HNRNPM: variants seen among roughly 807,000 people sequenced by gnomAD.
HNRNPM encodes CEA receptor.
A neutral mutation model predicts 73.1 loss-of-function variants in HNRNPM; 11 were observed. That is an observed-to-expected ratio of 0.15 (90% confidence interval 0.09 to 0.25). The LOEUF is 0.25. HNRNPM is among the 10% of genes least tolerant of loss of function. The pLI, the probability that HNRNPM is intolerant of heterozygous loss-of-function variation, is 1.00. For synonymous variants in HNRNPM, 407 were observed against 355.2 expected, an observed-to-expected ratio of 1.15 and a Z score of -1.64; for missense variants, 789 against 1,067.9, an observed-to-expected ratio of 0.74 and a Z score of 3.64.
chr19:8,447,276 T>TTC (rs57412916), intron 1 of HNRNPM, among the ~76,000 whole-genome samples: 12 of 151,224 alleles, frequency 7.9e-5, no homozygotes, highest in African/African-American at 2.7e-4. Context: ...TTTTTTTTTT[T>TTC]CATTACAAGT....
chr19:8,460,746 A>G (rs1969343330), intron 2 of HNRNPM, among the ~76,000 whole-genome samples: 1 of 152,196 alleles, frequency 6.6e-6, no homozygotes, highest in African/African-American at 2.4e-5. Context: ...GCTGTTTTGA[A>G]TTAATTATTG....
chr19:8,478,575 CTT>C (rs1348998558), intron 12 of HNRNPM, among the ~76,000 whole-genome samples: 1 of 152,046 alleles, frequency 6.6e-6, no homozygotes. Flanking sequence ...TCCCTGCTCT[CTT>C]AGAGTCAGCT....
At position 8,463,641 on chromosome 19, in the gene HNRNPM, C is replaced by G. The variant is rs753072620; in HGVS notation, c.393C>G (p.Val131=). 1 of 1,613,980 alleles carries G rather than the reference C, an allele frequency of 6.2e-7. No homozygotes were observed. The highest frequency in any genetic ancestry group is 1.7e-5 in the Admixed American group (1 of 60,012). The change falls in exon 5 of 16, where the codon GTC becomes GTG. Residue 131 remains valine, a synonymous_variant. Transcript: ENST00000325495. ...AGAGCATGAAAAAAGCTGCGGAAGT[C>G]CTAAACAAGCATAGTCTGAGCGGAA... is the stretch of plus-strand genomic sequence containing the variant. ...MEESMKKAAE[V]LNKHSLSGRP...
intron 15 of HNRNPM, 119 bp downstream of exon 15, chr19:8,487,194 A>G: frequency 2.4e-6 from 2 of 835,144 alleles, no homozygotes; most frequent in South Asian, 1.3e-5. Flanking sequence ...TGGCCTTGCC[A>G]TGTTCTGCCC....
At chr19:8,466,595 A>G (rs1439589077) in intron 7 of HNRNPM, among the ~76,000 whole-genome samples, 1 of 152,130 alleles carries the variant, frequency 6.6e-6, no homozygotes, top group African/African-American at 2.4e-5. Context: ...CGGGAGGCCA[A>G]GGCGGGCGGA....
intron 1 of HNRNPM, among the ~76,000 whole-genome samples, chr19:8,450,727 A>ATTT (rs770745543): frequency 4.7e-4 from 59 of 125,394 alleles, no homozygotes; most frequent in South Asian, 1.5e-3. Flanking sequence ...TATTATTATT[A>ATTT]TTTTTTTTTT....
intron 2 of HNRNPM, among the ~76,000 whole-genome samples, chr19:8,457,581 T>C (rs1256507732): frequency 6.6e-6 from 1 of 152,206 alleles, no homozygotes; most frequent in African/African-American, 2.4e-5. Context: ...TTAATTAAAT[T>C]ATTAGCGGTA....
At chr19:8,468,042 GAAAA>G (rs199878878) in intron 8 of HNRNPM, among the ~76,000 whole-genome samples, 1 of 151,016 alleles carries the variant, frequency 6.6e-6, no homozygotes, top group African/African-American at 2.4e-5. Context: ...AAAAAAAGAA[GAAAA>G]AAAAACATTT....
intron 2 of HNRNPM, among the ~76,000 whole-genome samples, chr19:8,455,860 T>C (rs1040876804): frequency 1.3e-5 from 2 of 151,996 alleles, no homozygotes; most frequent in Admixed American, 1.3e-4. Context: ...TTAATAAGGC[T>C]TCGATTAGGC....
intron 14 of HNRNPM, 91 bp from the exon 15 acceptor site, chr19:8,486,933 A>C (rs188583267): frequency 1.0e-6 from 1 of 980,980 alleles, no homozygotes; most frequent in East Asian, 2.4e-5. Flanking sequence ...GTATAGTGAG[A>C]AATCTAGCAT....
At chr19:8,445,449 C>T (rs1281540803) in intron 1 of HNRNPM, 3 of 218,630 alleles carry the variant, frequency 1.4e-5, no homozygotes, top group Non-Finnish European at 2.7e-5. Context: ...CCGACCGCTC[C>T]CCGGGAGGGT....
Position 8,468,811 on chromosome 19 carries a change from C to G in HNRNPM, c.872C>G (p.Pro291Arg). 1 of 1,613,804 alleles carries G rather than the reference C, an allele frequency of 6.2e-7. No homozygotes were observed. Among genetic ancestry groups the G allele is most frequent in the South Asian group, 1.1e-5 (1 of 91,072 alleles). The change falls in exon 9 of 16, where the codon CCT (proline) becomes CGT (arginine). Residue 291 changes from proline to arginine, a missense_variant. Transcript: ENST00000325495. Reference protein sequence around the residue: ...RALPKGDFFPPERPQQLPHGL... With the variant: ...RALPKGDFFPRERPQQLPHGL... ...TTACCAAAAGGAGATTTCTTCCCTC[C>G]TGAGCGTCCACAACAACTTCCCCGT...
chr19:8,455,579 T>C lies in HNRNPM; in HGVS notation c.283+5T>C. ...AAGACCTGGTTAAAGAAAAAGGTAA[T>C]GGTACTGGTGATTGAGTAGGGTGAG... On this transcript the variant is annotated splice_donor_5th_base_variant and intron_variant, in intron 2 of 15. Transcript: ENST00000325495. 7 of 1,608,766 alleles carry C rather than the reference T, an allele frequency of 4.4e-6. No individual in the cohort carries two copies. The highest frequency in any genetic ancestry group is 6.0e-6 in the Non-Finnish European group (7 of 1,176,468).
chr19:8,488,664 T>A, intron 15 of HNRNPM, 27 bp from the exon 16 acceptor site: 1 of 1,595,324 alleles, frequency 6.3e-7, no homozygotes, highest in Non-Finnish European at 8.6e-7. Flanking sequence ...GGACTGAGTG[T>A]CGTCTCTTCT....
intron 1 of HNRNPM, among the ~76,000 whole-genome samples, chr19:8,452,127 T>G (rs1289915670): frequency 6.6e-6 from 1 of 152,144 alleles, no homozygotes; most frequent in Admixed American, 6.5e-5. Flanking sequence ...GTGGTTAGAT[T>G]GGATAGTTTA....
intron 10 of HNRNPM, among the ~76,000 whole-genome samples, chr19:8,473,334 G>A (rs925890516): frequency 2.0e-5 from 3 of 152,018 alleles, no homozygotes; most frequent in Non-Finnish European, 4.4e-5. Flanking sequence ...GGTAGCAGGC[G>A]CCTGTAATCT....
intron 12 of HNRNPM, among the ~76,000 whole-genome samples, chr19:8,476,172 C>T (rs985470247): frequency 6.6e-6 from 1 of 152,042 alleles, no homozygotes; most frequent in African/African-American, 2.4e-5. Context: ...TTTTCCTAGA[C>T]TGTTCTTAGA....
chr19:8,445,175 G>T, intron 1 of HNRNPM, 64 bp downstream of exon 1: 4 of 1,298,982 alleles, frequency 3.1e-6, no homozygotes, highest in Non-Finnish European at 4.0e-6. Flanking sequence ...GCGGGCGGCG[G>T]CTCCGTTAGG....
rs780144231 is a variant in HNRNPM, at chr19:8,486,161, G to A, written c.1733G>A (p.Arg578His). 18 of 1,606,154 alleles carry A rather than the reference G, an allele frequency of 1.1e-5. No homozygotes were observed. Among genetic ancestry groups the A allele is most frequent in the Non-Finnish European group, 1.4e-5 (17 of 1,179,412 alleles). The change falls in exon 14 of 16, where the codon CGC (arginine) becomes CAC (histidine). Residue 578 changes from arginine (R) to histidine (H), a missense_variant. Physicochemically the swap from Arg to His is conservative, Grantham distance 29. Coordinates refer to ENST00000325495, the MANE Select transcript of HNRNPM (RefSeq NM_005968.5). ...LERMGANSLE[R>H]MGLERMGANS... is the part of the protein sequence containing the mutation. ...CGCATGGGCGCCAACAGCCTCGAGC[G>A]CATGGGCCTGGAGCGCATGGGTGCC... is the stretch of plus-strand genomic sequence containing the variant.
Sources: allele counts gnomAD v4.1 joint callset (sites outside exome capture counted in the v4.1 genomes callset), GRCh38; gene constraint gnomAD v4.1.1; transcripts MANE v1.5; gene names NCBI Gene and HGNC (gene_info 2026-07-23, HGNC 2026-07-21).